RBFOX1: variants seen among roughly 807,000 people sequenced by gnomAD.
RBFOX1 encodes the protein RNA binding protein fox-1 homolog 1.
In RBFOX1, 8 loss-of-function variants were observed where a neutral mutation model predicts 57.7. That is an observed-to-expected ratio of 0.14 (90% confidence interval 0.08 to 0.25). The LOEUF (loss-of-function observed/expected upper bound fraction) is 0.25, where lower values mean the gene tolerates loss of function less well. Among genes scored for constraint, RBFOX1 ranks in the 10% least tolerant of loss-of-function variants. The pLI is 1.00. For missense variants in RBFOX1, 611 were observed against 548.5 expected, an observed-to-expected ratio of 1.11 and a Z score of -1.14; for synonymous variants, 326 against 222.4, an observed-to-expected ratio of 1.47 and a Z score of -4.15.
At chr16:5,802,479 A>G (rs1273566416) in intron 3 of RBFOX1, among the ~76,000 whole-genome samples, 1 of 152,040 alleles carries the variant, frequency 6.6e-6, no homozygotes, top group Non-Finnish European at 1.5e-5. Flanking sequence ...GCTTAAAGTG[A>G]TTCTTGGCCC....
chr16:7,270,879 T>A (rs1044964516), intron 4 of RBFOX1, among the ~76,000 whole-genome samples: 2 of 152,206 alleles, frequency 1.3e-5, no homozygotes, highest in Non-Finnish European at 2.9e-5. Context: ...TATATTTTAA[T>A]GAAAATCCTT....
chr16:7,115,627 A>C (rs1404395374), intron 4 of RBFOX1, among the ~76,000 whole-genome samples: 1 of 152,234 alleles, frequency 6.6e-6, no homozygotes, highest in Non-Finnish European at 1.5e-5. Context: ...GTCTTGGGAC[A>C]AAGTACATAG....
intron 14 of RBFOX1, among the ~76,000 whole-genome samples, chr16:7,691,957 A>G (rs955740592): frequency 5.9e-5 from 9 of 152,142 alleles, no homozygotes; most frequent in Non-Finnish European, 1.3e-4. Context: ...GCAGCCCAGA[A>G]TATCATACCT....
rs1345075961 is a variant in RBFOX1, at chr16:7,186,617, C to G, written c.27+134519C>G. On this transcript the variant is annotated intron_variant, in intron 4 of 15. Coordinates refer to ENST00000550418, the MANE Select transcript of RBFOX1 (RefSeq NM_018723.4). The stretch of plus-strand genomic sequence containing the variant: ...ATATTTATATAAATATAAGCATAAA[C>G]ATATTTATATAAATATAATATTTAT... 2.9e-5 allele frequency among the ~76,000 whole-genome samples: 4 copies of G among 139,644 alleles called. No individual in the cohort carries two copies. In the East Asian group the frequency reaches 8.2e-4, roughly 29 times the overall value. 91.6% of individuals were successfully genotyped at this position (139,644 alleles called of 152,430 possible).
intron 1 of RBFOX1, among the ~76,000 whole-genome samples, chr16:6,203,679 C>T (rs893548763): frequency 1.3e-5 from 2 of 152,222 alleles, no homozygotes; most frequent in African/African-American, 4.8e-5. Context: ...ACAAACAAAC[C>T]CCCCAAACAG....
intron 1 of RBFOX1, among the ~76,000 whole-genome samples, chr16:6,117,351 C>T (rs1049165598): frequency 6.6e-6 from 1 of 152,200 alleles, no homozygotes; most frequent in African/African-American, 2.4e-5. Context: ...TTTCCAAGTT[C>T]ATTATGCATT....
intron 2 of RBFOX1, among the ~76,000 whole-genome samples, chr16:6,499,833 C>T (rs1460816987): frequency 3.3e-5 from 5 of 152,102 alleles, no homozygotes; most frequent in Non-Finnish European, 5.9e-5. Context: ...TCGATACCTC[C>T]TCTTGTTGCT....
intron 3 of RBFOX1, among the ~76,000 whole-genome samples, chr16:6,854,346 T>C (rs1567569167): frequency 1.3e-5 from 2 of 152,154 alleles, no homozygotes; most frequent in Non-Finnish European, 1.5e-5. Context: ...ATGGAACCTA[T>C]GAAGAGGAAA....
In RBFOX1 at chr16:5,283,119, C is replaced by A. The variant is rs902535275; in HGVS notation, c.219+43014C>A. 2.0e-5 allele frequency among the ~76,000 whole-genome samples: 3 copies of A among 152,322 alleles called. No homozygotes were observed. In the East Asian group the frequency reaches 5.8e-4, roughly 29 times the overall value. On this transcript the variant is annotated intron_variant, in intron 1 of 2. Transcript: ENST00000585867. ...AGAGGGTGCAAGCCCCAAGCCTTAGCAGCTTTCACATAGTGTTGAGCCTGT... is the reference window on the plus strand; with the variant it reads ...AGAGGGTGCAAGCCCCAAGCCTTAGAAGCTTTCACATAGTGTTGAGCCTGT...
intron 3 of RBFOX1, among the ~76,000 whole-genome samples, chr16:5,792,020 C>G (rs4464081): frequency 6.6e-6 from 1 of 151,862 alleles, no homozygotes; most frequent in African/African-American, 2.4e-5. Flanking sequence ...GGCTCTCCCC[C>G]GCAACCCAGG....
At chr16:7,402,998 A>G (rs4786156) in intron 4 of RBFOX1, among the ~76,000 whole-genome samples, 113,077 of 152,070 alleles carry the variant, frequency 0.74, 42,841 homozygotes, top group Non-Finnish European at 0.81. Flanking sequence ...GGAGGAGGTG[A>G]ACCTGGAACT....
intron 2 of RBFOX1, among the ~76,000 whole-genome samples, chr16:6,415,545 AC>A (rs1330772052): frequency 1.3e-5 from 2 of 151,860 alleles, no homozygotes; most frequent in Admixed American, 6.6e-5. Flanking sequence ...TACTAAAAAT[AC>A]AAAAATTAGC....
At chr16:6,902,870 A>G (rs1469394282) in intron 3 of RBFOX1, among the ~76,000 whole-genome samples, 1 of 152,202 alleles carries the variant, frequency 6.6e-6, no homozygotes, top group Non-Finnish European at 1.5e-5. Flanking sequence ...AGATTGTTTC[A>G]TCAGACATTG....
chr16:7,327,140 C>G (rs929703922), intron 4 of RBFOX1, among the ~76,000 whole-genome samples: 6 of 152,012 alleles, frequency 3.9e-5, no homozygotes, highest in Non-Finnish European at 8.8e-5. Flanking sequence ...GTGGCAGGGA[C>G]AACTTTGCAG....
chr16:7,332,835 T>G, intron 4 of RBFOX1: 1 of 1,439,442 alleles, frequency 6.9e-7, no homozygotes, highest in East Asian at 2.4e-5. Context: ...GAGTTGCTGA[T>G]GCGGATTTTC....
intron 4 of RBFOX1, among the ~76,000 whole-genome samples, chr16:7,347,609 G>A (rs2097039170): frequency 1.3e-5 from 2 of 152,020 alleles, no homozygotes; most frequent in African/African-American, 2.4e-5. Context: ...TATCAGTCAC[G>A]CCGAGATTGA....
chr16:7,329,007 G>A lies in RBFOX1; in HGVS notation c.28-189140G>A, dbSNP rs149236156. On this transcript the variant is annotated intron_variant, in intron 4 of 15. Coordinates refer to ENST00000550418, the MANE Select transcript of RBFOX1 (RefSeq NM_018723.4). The stretch of plus-strand genomic sequence containing the variant: ...ATAATATTTTGTGACCTGTAAAAAT[G>A]ATAGGAATTTAGTAAATACAGTATT... 1.3e-3 allele frequency among the ~76,000 whole-genome samples: 205 copies of A among 152,272 alleles called. 1 individual carries two copies. Among genetic ancestry groups the A allele is most frequent in the African/African-American group, 4.8e-3 (198 of 41,556 alleles).
chr16:6,510,558 T>G (rs776502090), intron 2 of RBFOX1, among the ~76,000 whole-genome samples: 3 of 151,980 alleles, frequency 2.0e-5, no homozygotes, highest in Admixed American at 6.5e-5. Context: ...GCAATTGGAG[T>G]CTGTTGGATT....
intron 4 of RBFOX1, among the ~76,000 whole-genome samples, chr16:7,451,685 C>G (rs28452640): frequency 0.41 from 51,732 of 125,688 alleles, 7,982 homozygotes; most frequent in Middle Eastern, 0.44. Flanking sequence ...CCCCTCCCCC[C>G]GCCCCGTATT....
Sources: gnomAD v4.1 joint callset for allele counts (sites outside exome capture counted in the v4.1 genomes callset) on GRCh38, gnomAD v4.1.1 for gene constraint, MANE v1.5 for transcripts, NCBI Gene and HGNC (gene_info 2026-07-23, HGNC 2026-07-21) for gene names.